Variants in ASAH2 observed in about 807,000 individuals in gnomAD.
ASAH2 encodes N-acylsphingosine amidohydrolase 2, also known as neutral ceramidase.
A neutral mutation model predicts 82.9 loss-of-function variants in ASAH2; 58 were observed. The observed-to-expected ratio is 0.70, with a 90% confidence interval of 0.57 to 0.87. ASAH2 has a LOEUF of 0.87. ASAH2 is among the 40% of genes least tolerant of loss of function. The pLI is 0.00. For synonymous variants in ASAH2, 276 were observed against 289.7 expected (o/e 0.95, Z 0.48); for missense variants, 779 against 834.0 (o/e 0.93, Z 0.81).
At chr10:50,250,534 A>C (rs1387229455) in intron 1 of ASAH2, among the ~76,000 whole-genome samples, 1 of 152,054 alleles carries the variant, frequency 6.6e-6, no homozygotes, top group Non-Finnish European at 1.5e-5. Context: ...ATGCCTCTGA[A>C]CTCTAAGGAT....
intron 7 of ASAH2, among the ~76,000 whole-genome samples, chr10:50,230,501 A>C (rs1014945833): frequency 6.6e-6 from 1 of 152,182 alleles, no homozygotes; most frequent in Admixed American, 6.5e-5. Flanking sequence ...TAACGTATTC[A>C]AAGAGCAATT....
intron 4 of ASAH2, among the ~76,000 whole-genome samples, chr10:50,240,317 C>A (rs1190194690): frequency 9.2e-5 from 14 of 152,106 alleles, no homozygotes; most frequent in Admixed American, 9.2e-4. Flanking sequence ...TGTAAAACTC[C>A]CCTGGGTGAA....
chr10:50,220,285 A>G (rs1189842169), intron 7 of ASAH2, among the ~76,000 whole-genome samples: 1 of 152,192 alleles, frequency 6.6e-6, no homozygotes, highest in Non-Finnish European at 1.5e-5. Flanking sequence ...ATAAATACTG[A>G]AATATTTATG....
At chr10:50,237,810 C>G (rs1047110454) in intron 4 of ASAH2, among the ~76,000 whole-genome samples, 3 of 152,130 alleles carry the variant, frequency 2.0e-5, no homozygotes, top group African/African-American at 7.2e-5. Context: ...AATGACCCAG[C>G]AGTATGTAAC....
intron 7 of ASAH2, among the ~76,000 whole-genome samples, chr10:50,222,083 A>C (rs994993071): frequency 3.5e-4 from 54 of 152,338 alleles, no homozygotes; most frequent in African/African-American, 1.2e-3. Context: ...GGATATGGAC[A>C]AGGAAAGATG....
At chr10:50,251,275 G>A (rs1412444622) in intron 1 of ASAH2, among the ~76,000 whole-genome samples, 120 bp downstream of exon 1, 2 of 152,186 alleles carry the variant, frequency 1.3e-5, no homozygotes, top group Non-Finnish European at 2.9e-5. Context: ...TTTGGCAAAA[G>A]AGGGTTCCAA....
At chr10:50,210,969 A>G in intron 11 of ASAH2, 61 bp downstream of exon 11, 1 of 1,599,394 alleles carries the variant, frequency 6.3e-7, no homozygotes, top group Non-Finnish European at 8.6e-7. Context: ...GAAAGTAAAT[A>G]ATGAGATCAA....
intron 13 of ASAH2, 60 bp downstream of exon 13, chr10:50,205,922 A>G: frequency 1.6e-6 from 2 of 1,260,542 alleles, no homozygotes; most frequent in Non-Finnish European, 2.3e-6. Context: ...ATTACCTGAC[A>G]GTTCACATAT....
chr10:50,212,182 A>AACACACAC (rs3837301), intron 10 of ASAH2, among the ~76,000 whole-genome samples: 6,981 of 146,956 alleles, frequency 0.048, 225 homozygotes, highest in South Asian at 0.13. Context: ...AAACTATTTA[A>AACACACAC]ACACACACAC....
chr10:50,242,728 T>C lies in ASAH2; in HGVS notation c.510+474A>G, dbSNP rs1022542737. Among the ~76,000 whole-genome samples, 3 of 152,312 alleles carry C rather than the reference T, an allele frequency of 2.0e-5. No individual in the cohort carries two copies. In the South Asian group the frequency reaches 6.2e-4, roughly 32 times the overall value. On this transcript the variant is annotated intron_variant, in intron 4 of 20. Coordinates refer to ENST00000682911, the MANE Select transcript of ASAH2 (RefSeq NM_019893.4). ...ATCAGAATGCTATAATGAATCCCTA[T>C]GTGCCTATTACCCAGCTTCTATAAC...
At chr10:50,225,357 G>T (rs1399777412) in intron 7 of ASAH2, among the ~76,000 whole-genome samples, 1 of 152,182 alleles carries the variant, frequency 6.6e-6, no homozygotes, top group Non-Finnish European at 1.5e-5. Flanking sequence ...GGCAGAGGTT[G>T]CAGTGAGCTG....
At chr10:50,241,569 G>T (rs1348247613) in intron 4 of ASAH2, among the ~76,000 whole-genome samples, 1 of 152,120 alleles carries the variant, frequency 6.6e-6, no homozygotes, top group African/African-American at 2.4e-5. Flanking sequence ...GAATGTATCT[G>T]CTATAAAGAC....
chr10:50,238,739 T>C (rs1846221246), intron 4 of ASAH2, among the ~76,000 whole-genome samples: 1 of 152,118 alleles, frequency 6.6e-6, no homozygotes, highest in Non-Finnish European at 1.5e-5. Context: ...ACTGTGACAT[T>C]AGGGCTTTAG....
At chr10:50,239,965 G>A (rs1298326883) in intron 4 of ASAH2, among the ~76,000 whole-genome samples, 2 of 151,744 alleles carry the variant, frequency 1.3e-5, no homozygotes, top group Non-Finnish European at 2.9e-5. Context: ...AAGTGGCTGG[G>A]ACTACAGGCT....
chr10:50,224,384 T>C (rs1437432979), intron 7 of ASAH2, among the ~76,000 whole-genome samples: 2 of 151,918 alleles, frequency 1.3e-5, no homozygotes, highest in East Asian at 3.9e-4. Flanking sequence ...TAAATATATA[T>C]ATATACAAAT....
chr10:50,211,364 C>G (rs1190215235), intron 10 of ASAH2, among the ~76,000 whole-genome samples: 1 of 152,100 alleles, frequency 6.6e-6, no homozygotes, highest in Non-Finnish European at 1.5e-5. Flanking sequence ...ATCAACTCCC[C>G]ACAAAAGTGA....
Position 50,224,907 on chromosome 10 carries a change from G to T in ASAH2, c.894-6277C>A, listed in dbSNP as rs1043169739. ...TAAATTTTAAACCAGCAGAAGAAAA[G>T]AATACACACCGGACTGCTCAGATTT... On this transcript the variant is annotated intron_variant, in intron 7 of 20. Coordinates refer to ENST00000682911, the MANE Select transcript of ASAH2 (RefSeq NM_019893.4). 2.4e-4 allele frequency among the ~76,000 whole-genome samples: 37 copies of T among 152,244 alleles called. No individual in the cohort carries two copies. In the South Asian group the frequency reaches 7.7e-3, roughly 32 times the overall value.
At chr10:50,244,286 C>G (rs895565532) in intron 3 of ASAH2, among the ~76,000 whole-genome samples, 8 of 152,198 alleles carry the variant, frequency 5.3e-5, no homozygotes, top group Non-Finnish European at 1.2e-4. Context: ...TATCAGGACT[C>G]TACAACTCCT....
rs1454293098 is a variant in ASAH2, at chr10:50,184,914, A to C, written c.*2401T>G. 1.3e-5 allele frequency: 2 copies of C among 151,514 alleles called. No homozygotes were observed. Among genetic ancestry groups the C allele is most frequent in the African/African-American group, 4.8e-5 (2 of 41,314 alleles). The allele number at this position is 151,514 out of a possible 1,614,324, so 9.4% of individuals were successfully genotyped here. ...TTAAATAATCCATTGAATATTGACAATTTTACACAGTACTCATCAAAAAAT... is the reference window on the plus strand; with the variant it reads ...TTAAATAATCCATTGAATATTGACACTTTTACACAGTACTCATCAAAAAAT... On this transcript the variant is annotated 3_prime_UTR_variant, in exon 21 of 21. Transcript: ENST00000682911.
Sources: allele counts gnomAD v4.1 joint callset (sites outside exome capture counted in the v4.1 genomes callset), GRCh38; gene constraint gnomAD v4.1.1; transcripts MANE v1.5; gene names NCBI Gene and HGNC (gene_info 2026-07-23, HGNC 2026-07-21).